TREM1: variants seen among roughly 807,000 people sequenced by gnomAD.
The protein encoded by TREM1 is triggering receptor expressed on myeloid cells 1, also known as triggering receptor expressed on monocytes 1.
In TREM1, 16 loss-of-function variants were observed where a neutral mutation model predicts 22.4. That is an observed-to-expected ratio of 0.71 (90% CI 0.48 to 1.08). The LOEUF (loss-of-function observed/expected upper bound fraction) is 1.08. Ranked by LOEUF, TREM1 falls within the 50% of genes least tolerant of loss-of-function variation. TREM1 has a pLI of 0.00. For synonymous variants in TREM1, 110 were observed against 111.6 expected (o/e 0.99, Z 0.09); for missense variants, 283 against 282.9 (o/e 1.00, Z 0.00).
rs1029071134 is a variant in TREM1, at chr6:41,275,449, T to G, written c.*676A>C. ...GCTATTTTCAGGATCCAGCGATAAA[T>G]GCACACAGGATGTCTGACATGGTCT... is the stretch of plus-strand genomic sequence containing the variant. On this transcript the variant is annotated 3_prime_UTR_variant, in exon 4 of 4. Transcript: ENST00000244709. 3 of 152,378 alleles carry G rather than the reference T, an allele frequency of 2.0e-5. No individual in the cohort carries two copies. The highest frequency in any genetic ancestry group is 6.5e-5 in the Admixed American group (1 of 15,304). The allele number at this position is 152,378 out of a possible 1,614,324, so 9.4% of individuals were successfully genotyped here.
chr6:41,284,166 G>A (rs1053474818), intron 1 of TREM1, among the ~76,000 whole-genome samples: 7 of 152,014 alleles, frequency 4.6e-5, no homozygotes, highest in African/African-American at 1.2e-4. Context: ...TTTGCTCCCC[G>A]CCACAACTCT....
At chr6:41,278,772 A>C (rs1268792699) in intron 3 of TREM1, among the ~76,000 whole-genome samples, 2 of 152,192 alleles carry the variant, frequency 1.3e-5, no homozygotes, top group Non-Finnish European at 2.9e-5. Flanking sequence ...GATGATAGAT[A>C]AAGTTAACAG....
At chr6:41,270,306 C>G (rs187204655), downstream of TREM1, 1 of 152,522 alleles carries the variant, frequency 6.6e-6, no homozygotes, top group East Asian at 1.9e-4. Context: ...CAGACCACAA[C>G]ACAGACACAG....
downstream of TREM1, among the ~76,000 whole-genome samples, chr6:41,268,639 C>T (rs1767398515): frequency 1.3e-5 from 2 of 152,116 alleles, no homozygotes; most frequent in Admixed American, 1.3e-4. Context: ...TTACTGAGGC[C>T]TAGAAAAGGG....
At chr6:41,269,304 C>G (rs1024600005), downstream of TREM1, among the ~76,000 whole-genome samples, 1 of 152,112 alleles carries the variant, frequency 6.6e-6, no homozygotes, top group African/African-American at 2.4e-5. Context: ...TCATTTTCCT[C>G]CCTAATAACT....
rs1196036297 is a variant in TREM1, at chr6:41,274,045, G to A, written c.*2080C>T. ...GGGAGAGTATCCAGCACGGCCATTTGTCTTCCGATTTAGTGCATATAATAT... is the reference window on the plus strand; with the variant it reads ...GGGAGAGTATCCAGCACGGCCATTTATCTTCCGATTTAGTGCATATAATAT... On this transcript the variant is annotated 3_prime_UTR_variant, in exon 4 of 4. Coordinates refer to ENST00000244709, the MANE Select transcript of TREM1 (RefSeq NM_018643.5). Among the ~76,000 whole-genome samples, 6 of 152,202 alleles carry A rather than the reference G, an allele frequency of 3.9e-5. No homozygotes were observed. Among genetic ancestry groups the A allele is most frequent in the Non-Finnish European group, 8.8e-5 (6 of 68,046 alleles).
chr6:41,273,883 C>T lies in TREM1; in HGVS notation c.*2242G>A, dbSNP rs150527354. The stretch of plus-strand genomic sequence containing the variant: ...CCTGATCTGACTGTCTCCCCACCCT[C>T]GGCTCTCCTCTCATGCTTCCCATTG... On this transcript the variant is annotated 3_prime_UTR_variant, in exon 4 of 4. Coordinates refer to ENST00000244709, the MANE Select transcript of TREM1 (RefSeq NM_018643.5). Among the ~76,000 whole-genome samples the T allele has an allele frequency of 4.2e-3, 643 of 152,312 alleles. 3 individuals are homozygous for T. Among genetic ancestry groups the T allele is most frequent in the African/African-American group, 0.014 (572 of 41,572 alleles).
At chr6:41,270,834 T>C (rs563466226), downstream of TREM1, among the ~76,000 whole-genome samples, 1 of 152,226 alleles carries the variant, frequency 6.6e-6, no homozygotes, top group Admixed American at 6.5e-5. Context: ...CCCCACCACA[T>C]AGCTGGGACT....
chr6:41,269,501 G>A (rs1228571420), downstream of TREM1, among the ~76,000 whole-genome samples: 1 of 152,200 alleles, frequency 6.6e-6, no homozygotes, highest in Non-Finnish European at 1.5e-5. Context: ...CTCTTCTGCA[G>A]TGAAGACAGC....
intron 3 of TREM1, among the ~76,000 whole-genome samples, chr6:41,278,080 C>A (rs1188954163): frequency 6.8e-6 from 1 of 147,512 alleles, no homozygotes; most frequent in Admixed American, 7.0e-5. Context: ...TGCCACCATG[C>A]CCTGCTAATT....
rs770994853 is a variant in TREM1 at position 41,276,184 on chromosome 6, T to C, written c.646A>G (p.Ser216Gly). 1.9e-6 allele frequency: 3 copies of C among 1,614,078 alleles called. No individual in the cohort carries two copies. The highest frequency in any genetic ancestry group is 2.5e-6 in the Non-Finnish European group (3 of 1,180,008). ...AGGACAGAGAAGACCAGGCTCTTAC[T>C]CAGGAATCCACCAGCCAGGAGAATG... Reference protein sequence around the residue: ...IVILLAGGFLSKSLVFSVLFA... With the variant: ...IVILLAGGFLGKSLVFSVLFA... The change falls in exon 4 of 4, where the codon AGT becomes GGT. Residue 216 changes from serine (S) to glycine (G), a missense_variant. Ser to Gly is a moderately conservative substitution (Grantham distance 56). Coordinates refer to ENST00000244709, the MANE Select transcript of TREM1 (RefSeq NM_018643.5).
chr6:41,270,957 C>A (rs1278456162), downstream of TREM1, among the ~76,000 whole-genome samples: 3 of 152,318 alleles, frequency 2.0e-5, no homozygotes, highest in East Asian at 5.8e-4. Context: ...CCTCTCACCT[C>A]AGCCTCCCAA....
rs762301027 is a variant in TREM1 at position 41,275,753 on chromosome 6, T to C, written c.*372A>G. 1.7e-5 allele frequency: 4 copies of C among 233,208 alleles called. No homozygotes were observed. The highest frequency in any genetic ancestry group is 4.5e-5 in the African/African-American group (2 of 43,964). The allele number at this position is 233,208 out of a possible 1,614,324, so 14.4% of individuals were successfully genotyped here. ...CTGTCCAGGTCAGGCCAAAATTGTA[T>C]GGTCCAGGGCAAAACTGAGCAGGAG... On this transcript the variant is annotated 3_prime_UTR_variant, in exon 4 of 4. Coordinates refer to ENST00000244709, the MANE Select transcript of TREM1 (RefSeq NM_018643.5).
intron 3 of TREM1, among the ~76,000 whole-genome samples, chr6:41,277,401 G>C (rs778518910): frequency 6.6e-6 from 1 of 152,108 alleles, no homozygotes; most frequent in South Asian, 2.1e-4. Context: ...AAGGGGCAGG[G>C]AGCCAGCATC....
Position 41,282,446 on chromosome 6 carries a change from G to C in TREM1, c.355C>G (p.Pro119Ala). The C allele has an allele frequency of 6.2e-7, 1 of 1,614,094 alleles. No individual in the cohort carries two copies. Among genetic ancestry groups the C allele is most frequent in the Non-Finnish European group, 8.5e-7 (1 of 1,180,022 alleles). Reference sequence around the variant, plus strand: ...TCGAACAGCATGTGAGGCTCCTTGGGAGGCTGGTAGATCACACACTGATAC... The same window carrying C: ...TCGAACAGCATGTGAGGCTCCTTGGCAGGCTGGTAGATCACACACTGATAC... ...GLYQCVIYQP[P>A]KEPHMLFDRI... Residue 119 changes from proline to alanine, a missense_variant, in exon 2 of 4, where the codon CCC becomes GCC. Coordinates refer to ENST00000244709, the MANE Select transcript of TREM1 (RefSeq NM_018643.5).
At chr6:41,269,203 A>C (rs1365880537), downstream of TREM1, among the ~76,000 whole-genome samples, 1 of 152,172 alleles carries the variant, frequency 6.6e-6, no homozygotes, top group East Asian at 1.9e-4. Context: ...CCACCTCCCC[A>C]TGTAGGCAGG....
intron 1 of TREM1, among the ~76,000 whole-genome samples, chr6:41,284,708 T>C (rs1289048423): frequency 6.6e-6 from 1 of 152,104 alleles, no homozygotes; most frequent in Non-Finnish European, 1.5e-5. Context: ...TGACAAGTGC[T>C]TACCCTTTCA....
chr6:41,281,206 G>A, intron 2 of TREM1, 53 bp from the exon 3 acceptor site: 1 of 1,580,368 alleles, frequency 6.3e-7, no homozygotes, highest in Non-Finnish European at 8.6e-7. Context: ...ATGAATGGGT[G>A]GATGGGTGGG....
Position 41,282,688 on chromosome 6 carries a change from T to C in TREM1, c.113A>G (p.Asp38Gly). The C allele has an allele frequency of 6.2e-7, 1 of 1,614,184 alleles. No homozygotes were observed. The highest frequency in any genetic ancestry group is 8.5e-7 in the Non-Finnish European group (1 of 1,180,026). Residue 38 changes from aspartate to glycine, a missense_variant, in exon 2 of 4, where the codon GAT (aspartate) becomes GGT (glycine). Asp to Gly is a moderately conservative substitution (Grantham distance 94, BLOSUM62 -1). Transcript: ENST00000244709. ...CTCTAGCGTGTAGTCACATTTCACATCCAGGGTCTGCCCCTCTTTCAGTTC... is the reference window on the plus strand; with the variant it reads ...CTCTAGCGTGTAGTCACATTTCACACCCAGGGTCTGCCCCTCTTTCAGTTC... ...KYELKEGQTL[D>G]VKCDYTLEKF... is the part of the protein sequence containing the mutation.
Sources: gnomAD v4.1 joint callset for allele counts (sites outside exome capture counted in the v4.1 genomes callset) on GRCh38, gnomAD v4.1.1 for gene constraint, MANE v1.5 for transcripts, NCBI Gene and HGNC (gene_info 2026-07-23, HGNC 2026-07-21) for gene names.